The following CTNNA2 variants were observed in gnomAD, a reference collection of about 807,000 sequenced individuals.
CTNNA2 encodes catenin alpha-2.
In CTNNA2, 42 loss-of-function variants were observed where a neutral mutation model predicts 101.0. The ratio of observed to expected loss-of-function variants is 0.42; its 90% CI spans 0.32 to 0.54. The LOEUF (loss-of-function observed/expected upper bound fraction) is 0.54, where lower values mean the gene tolerates loss of function less well. Ranked by LOEUF, CTNNA2 falls within the 20% of genes least tolerant of loss-of-function variation. The pLI is 0.14. For missense variants in CTNNA2, 871 were observed against 1,223.1 expected, an observed-to-expected ratio of 0.71 and a Z score of 4.29; for synonymous variants, 450 against 456.4, an observed-to-expected ratio of 0.99 and a Z score of 0.18.
intron 3 of CTNNA2, among the ~76,000 whole-genome samples, chr2:79,759,425 G>T (rs1035110737): frequency 6.6e-6 from 1 of 151,928 alleles, no homozygotes; most frequent in Non-Finnish European, 1.5e-5. Context: ...AAATAAAATT[G>T]ATGCTTATGA....
intron 2 of CTNNA2, among the ~76,000 whole-genome samples, chr2:79,303,946 G>C (rs1434616526): frequency 6.6e-6 from 1 of 152,098 alleles, no homozygotes. Flanking sequence ...TACCCATGCA[G>C]ATTTCCCTCA....
intron 18 of CTNNA2, among the ~76,000 whole-genome samples, chr2:80,623,541 G>A (rs1463514196): frequency 6.6e-6 from 1 of 151,924 alleles, no homozygotes; most frequent in Non-Finnish European, 1.5e-5. Context: ...AAGATGTGAG[G>A]TTGGTGTTGG....
chr2:79,763,267 T>C (rs1031673720), intron 3 of CTNNA2, among the ~76,000 whole-genome samples: 4 of 152,206 alleles, frequency 2.6e-5, no homozygotes, highest in African/African-American at 7.2e-5. Flanking sequence ...TCAATGTTAC[T>C]ATGTATCTCC....
At chr2:79,796,581 G>A (rs1217827235) in intron 3 of CTNNA2, among the ~76,000 whole-genome samples, 1 of 152,158 alleles carries the variant, frequency 6.6e-6, no homozygotes, top group Non-Finnish European at 1.5e-5. Flanking sequence ...AGGACACATG[G>A]AGGCAGGCAG....
chr2:80,009,774 C>T (rs1186906919), intron 7 of CTNNA2, among the ~76,000 whole-genome samples: 2 of 119,036 alleles, frequency 1.7e-5, no homozygotes, highest in Non-Finnish European at 3.8e-5. Context: ...CAGAGAGAGA[C>T]AGAGATTAAG....
At chr2:79,388,583 T>C (rs1269598057) in intron 4 of CTNNA2, among the ~76,000 whole-genome samples, 1 of 152,188 alleles carries the variant, frequency 6.6e-6, no homozygotes, top group African/African-American at 2.4e-5. Context: ...TGTAGGCTGG[T>C]TGCACAATAG....
At chr2:79,384,626 G>A (rs1046630974) in intron 4 of CTNNA2, among the ~76,000 whole-genome samples, 24 of 152,270 alleles carry the variant, frequency 1.6e-4, no homozygotes, top group African/African-American at 5.5e-4. Context: ...CTTAAAGGAT[G>A]TTACTTTGAA....
intron 2 of CTNNA2, among the ~76,000 whole-genome samples, chr2:79,228,264 A>G (rs13403490): frequency 0.38 from 58,515 of 152,054 alleles, 12,913 homozygotes; most frequent in Non-Finnish European, 0.48. Flanking sequence ...CCTTTGGTAT[A>G]TCCTAGTAGT....
chr2:79,388,562 C>T (rs188686905), intron 4 of CTNNA2, among the ~76,000 whole-genome samples: 63 of 152,224 alleles, frequency 4.1e-4, no homozygotes, highest in Non-Finnish European at 2.9e-5. Flanking sequence ...GCAGAATTTA[C>T]AGTAATGATG....
rs375145954 is a variant in CTNNA2, at chr2:79,424,442, T to A, written c.-135+50429T>A. Among the ~76,000 whole-genome samples, 3 of 152,274 alleles carry A rather than the reference T, an allele frequency of 2.0e-5. No individual in the cohort carries two copies. The East Asian group carries it at 5.8e-4, about 30-fold the overall frequency. On this transcript the variant is annotated intron_variant, in intron 4 of 21. Coordinates refer to the CTNNA2 transcript ENST00000466387. ...AGGATTGTCAACTTCACATTCTTGA[T>A]CATGATGCATCTTTCAGTGAAGTGA...
chr2:79,413,271 C>T (rs1678438213), intron 4 of CTNNA2, among the ~76,000 whole-genome samples: 1 of 151,944 alleles, frequency 6.6e-6, no homozygotes, highest in South Asian at 2.1e-4. Flanking sequence ...ATGAGTTTGG[C>T]TCATTTAGAG....
At chr2:80,642,300 G>A (rs1259013605) in intron 18 of CTNNA2, among the ~76,000 whole-genome samples, 1 of 152,034 alleles carries the variant, frequency 6.6e-6, no homozygotes, top group African/African-American at 2.4e-5. Context: ...TTGACTCAAG[G>A]TAAATTGCTA....
At chr2:80,400,856 A>G (rs1392171356) in intron 8 of CTNNA2, among the ~76,000 whole-genome samples, 6 of 152,174 alleles carry the variant, frequency 3.9e-5, no homozygotes, top group Non-Finnish European at 5.9e-5. Flanking sequence ...CCAGTATCCT[A>G]GACCCCAGCC....
Position 80,303,834 on chromosome 2 carries a change from C to T in CTNNA2, c.1057-89377C>T. The T allele has an allele frequency of 6.7e-7, 1 of 1,499,334 alleles. No homozygotes were observed. The highest frequency in any genetic ancestry group is 8.9e-7 in the Non-Finnish European group (1 of 1,123,862). 92.9% of individuals were successfully genotyped at this position (1,499,334 alleles called of 1,614,324 possible). ...AGGAAATCCATTAGCGAGAATCTTT[C>T]CAGAGAGACTGGAGAATGTCCATTG... On this transcript the variant is annotated intron_variant, in intron 7 of 18. Transcript: ENST00000402739. The surrounding 1 kb of genome is among the most constrained non-coding windows in gnomAD (Gnocchi z 7.7).
intron 7 of CTNNA2, among the ~76,000 whole-genome samples, chr2:80,274,567 T>C (rs1025029400): frequency 2.0e-5 from 3 of 152,208 alleles, no homozygotes; most frequent in Admixed American, 2.0e-4. Context: ...CTTCCAGAAA[T>C]ATCTTCCTAA....
intron 2 of CTNNA2, among the ~76,000 whole-genome samples, chr2:79,204,414 T>G (rs540548911): frequency 6.6e-6 from 1 of 152,342 alleles, no homozygotes; most frequent in Non-Finnish European, 1.5e-5. Flanking sequence ...TGGATTTGTG[T>G]GCCAATTTCT....
chr2:80,165,735 A>G (rs1704638889), intron 7 of CTNNA2, among the ~76,000 whole-genome samples: 1 of 152,190 alleles, frequency 6.6e-6, no homozygotes, highest in African/African-American at 2.4e-5. Flanking sequence ...TGTCATGTCA[A>G]CAGAGTAGGA....
intron 2 of CTNNA2, among the ~76,000 whole-genome samples, chr2:79,310,272 A>G (rs1676337651): frequency 6.6e-6 from 1 of 152,208 alleles, no homozygotes; most frequent in African/African-American, 2.4e-5. Flanking sequence ...AATATTTGGT[A>G]TATTCCTAAC....
intron 18 of CTNNA2, among the ~76,000 whole-genome samples, chr2:80,621,304 TAC>T (rs1457517138): frequency 2.6e-5 from 4 of 152,088 alleles, no homozygotes; most frequent in Admixed American, 6.6e-5. Flanking sequence ...GTTGATGAAA[TAC>T]AGTTTTTATT....
Sources: allele counts gnomAD v4.1 joint callset (sites outside exome capture counted in the v4.1 genomes callset), GRCh38; gene constraint gnomAD v4.1.1; non-coding constraint Gnocchi (gnomAD v3.1); transcripts MANE v1.5; gene names NCBI Gene and HGNC (gene_info 2026-07-23, HGNC 2026-07-21).